DSCAM: variants seen among roughly 807,000 people sequenced by gnomAD.
The protein encoded by DSCAM is DS cell adhesion molecule, also known as cell adhesion molecule DSCAM.
A neutral mutation model predicts 217.7 loss-of-function variants in DSCAM; 47 were observed. The ratio of observed to expected loss-of-function variants is 0.22; its 90% CI spans 0.17 to 0.28. The LOEUF is 0.28. Ranked by LOEUF, DSCAM falls within the 10% of genes least tolerant of loss-of-function variation. The probability of loss-of-function intolerance (pLI) is 1.00; values close to 1 mark genes in which losing one functional copy is unlikely to be tolerated. For synonymous variants in DSCAM, 1,056 were observed against 1,015.3 expected (o/e 1.04, Z -0.76); for missense variants, 2,080 against 2,618.3 (o/e 0.79, Z 4.49).
chr21:40,274,867 T>C (rs1264891778), intron 11 of DSCAM, among the ~76,000 whole-genome samples: 1 of 152,194 alleles, frequency 6.6e-6, no homozygotes, highest in Non-Finnish European at 1.5e-5. Context: ...AATAAATTCT[T>C]CGTGAGTTAG....
chr21:40,154,218 C>G (rs563127525), intron 16 of DSCAM, among the ~76,000 whole-genome samples: 1 of 150,196 alleles, frequency 6.7e-6, no homozygotes, highest in Non-Finnish European at 1.5e-5. Flanking sequence ...CCTTTCCTTC[C>G]TTCCTCCCTT....
chr21:40,739,853 C>G (rs1161995694), intron 1 of DSCAM, among the ~76,000 whole-genome samples: 1 of 147,452 alleles, frequency 6.8e-6, no homozygotes, highest in Non-Finnish European at 1.5e-5. Flanking sequence ...TCAGTGGCTT[C>G]TTTCACTTTA....
intron 3 of DSCAM, among the ~76,000 whole-genome samples, chr21:40,376,574 GATATCTATATATCTT>G (rs1441667607): frequency 0.11 from 9,094 of 85,892 alleles, 1,793 homozygotes; most frequent in South Asian, 0.14. Context: ...ATCTTATATC[GATATCTATATATCTT>G]ATATCGATAT....
At chr21:40,635,796 G>C (rs1315333162) in intron 3 of DSCAM, among the ~76,000 whole-genome samples, 2 of 152,112 alleles carry the variant, frequency 1.3e-5, no homozygotes, top group Admixed American at 6.6e-5. Flanking sequence ...TTCATTTAGA[G>C]CCTTTTTAGA....
intron 9 of DSCAM, among the ~76,000 whole-genome samples, chr21:40,311,418 A>C (rs2074136041): frequency 6.6e-6 from 1 of 152,178 alleles, no homozygotes. Flanking sequence ...ACTTGAATAG[A>C]AGTTCAAAAT....
intron 1 of DSCAM, among the ~76,000 whole-genome samples, chr21:40,739,491 G>A (rs1348690447): frequency 1.3e-5 from 2 of 152,128 alleles, no homozygotes; most frequent in Non-Finnish European, 2.9e-5. Context: ...GCTCTTCCTG[G>A]GGCCTCTCTC....
chr21:40,621,309 G>A (rs903047713), intron 3 of DSCAM: 1 of 152,178 alleles, frequency 6.6e-6, no homozygotes, highest in Non-Finnish European at 1.5e-5. Flanking sequence ...GTGATTTGGG[G>A]TGCTCTCCTC....
intron 3 of DSCAM, among the ~76,000 whole-genome samples, chr21:40,601,188 T>C (rs968259513): frequency 6.6e-6 from 1 of 152,228 alleles, no homozygotes; most frequent in African/African-American, 2.4e-5. Flanking sequence ...ATATATCTTG[T>C]CTATTTCATT....
At chr21:40,715,086 C>T (rs188936962) in intron 1 of DSCAM, among the ~76,000 whole-genome samples, 19 of 152,304 alleles carry the variant, frequency 1.2e-4, no homozygotes, top group Admixed American at 1.0e-3. Context: ...GCCTCCAGAG[C>T]CATGAGCCAA....
chr21:40,812,831 A>C (rs567954558), intron 1 of DSCAM, among the ~76,000 whole-genome samples: 1 of 152,352 alleles, frequency 6.6e-6, no homozygotes, highest in African/African-American at 2.4e-5. Flanking sequence ...GAAAAATAAA[A>C]GAAGGAGGGA....
At chr21:40,334,105 C>G (rs1039743252) in intron 8 of DSCAM, among the ~76,000 whole-genome samples, 4 of 152,084 alleles carry the variant, frequency 2.6e-5, no homozygotes, top group African/African-American at 7.2e-5. Flanking sequence ...GAAGCCTGTA[C>G]ATATGAAGTT....
chr21:40,728,985 CT>C (rs1168028954), intron 1 of DSCAM, among the ~76,000 whole-genome samples: 9 of 152,216 alleles, frequency 5.9e-5, no homozygotes, highest in African/African-American at 2.2e-4. Context: ...TCAATCTCCA[CT>C]GACATGGGTC....
chr21:40,686,357 ACAC>A (rs1312684691), intron 3 of DSCAM, among the ~76,000 whole-genome samples: 1 of 151,260 alleles, frequency 6.6e-6, no homozygotes, highest in African/African-American at 2.4e-5. Context: ...TGCCACACAC[ACAC>A]CACACACACT....
At chr21:40,453,395 C>T (rs1453287225) in intron 3 of DSCAM, among the ~76,000 whole-genome samples, 1 of 152,178 alleles carries the variant, frequency 6.6e-6, no homozygotes, top group Admixed American at 6.5e-5. Flanking sequence ...CTGACAGCTG[C>T]AATCCTGACA....
intron 11 of DSCAM, among the ~76,000 whole-genome samples, chr21:40,225,495 G>T (rs1042395692): frequency 6.6e-6 from 1 of 151,960 alleles, no homozygotes; most frequent in African/African-American, 2.4e-5. Context: ...TCTTCAAAAC[G>T]GCTAAAATCC....
At chr21:40,839,420 G>A (rs1024801392) in intron 1 of DSCAM, among the ~76,000 whole-genome samples, 1 of 152,184 alleles carries the variant, frequency 6.6e-6, no homozygotes, top group African/African-American at 2.4e-5. Context: ...GCTTATTGCA[G>A]AATAAATATT....
chr21:40,308,330 T>A (rs1266859466), intron 9 of DSCAM, among the ~76,000 whole-genome samples: 3 of 152,174 alleles, frequency 2.0e-5, no homozygotes, highest in East Asian at 3.9e-4. Flanking sequence ...GTAACCCTTA[T>A]GCTGGGGATA....
At chr21:40,270,884 G>A (rs768973333) in intron 11 of DSCAM, among the ~76,000 whole-genome samples, 13 of 152,206 alleles carry the variant, frequency 8.5e-5, no homozygotes, top group Non-Finnish European at 1.6e-4. Flanking sequence ...TGTGGGTACT[G>A]GTGGCAGTGG....
chr21:40,533,794 T>G (rs901120283), intron 3 of DSCAM, among the ~76,000 whole-genome samples: 2 of 150,158 alleles, frequency 1.3e-5, no homozygotes, highest in African/African-American at 2.4e-5. Flanking sequence ...TCTGTTTTTC[T>G]ATCTCTTCCT....
Sources: gnomAD v4.1 joint callset for allele counts (sites outside exome capture counted in the v4.1 genomes callset) on GRCh38, gnomAD v4.1.1 for gene constraint, MANE v1.5 for transcripts, NCBI Gene and HGNC (gene_info 2026-07-23, HGNC 2026-07-21) for gene names.